The following FSTL5 variants were observed in gnomAD, a reference collection of about 807,000 sequenced individuals.
The protein encoded by FSTL5 is follistatin like 5.
Under a neutral mutation model 89.1 loss-of-function variants are expected in FSTL5, and 62 were observed. The observed-to-expected ratio is 0.70, with a 90% CI of 0.57 to 0.86. FSTL5 has a LOEUF of 0.86. FSTL5 is among the 40% of genes least tolerant of loss of function. The pLI is 0.00. For synonymous variants in FSTL5, 383 were observed against 346.2 expected (o/e 1.11, Z -1.18); for missense variants, 1,057 against 1,001.6 (o/e 1.06, Z -0.75).
At chr4:161,430,943 C>T (rs1258216023) in intron 15 of FSTL5, among the ~76,000 whole-genome samples, 1 of 151,908 alleles carries the variant, frequency 6.6e-6, no homozygotes, top group East Asian at 1.9e-4. Flanking sequence ...ATGCTTTATC[C>T]TAGAATAGTA....
chr4:161,778,960 T>C (rs1382324118), intron 4 of FSTL5, among the ~76,000 whole-genome samples: 1 of 152,246 alleles, frequency 6.6e-6, no homozygotes, highest in Non-Finnish European at 1.5e-5. Context: ...CCTGGGTCTG[T>C]ATTGCCTTCA....
chr4:162,053,306 G>A (rs1738441363), intron 2 of FSTL5, among the ~76,000 whole-genome samples: 4 of 151,728 alleles, frequency 2.6e-5, no homozygotes, highest in Admixed American at 2.6e-4. Context: ...GGGTTGCAGT[G>A]CAAATTTATA....
intron 12 of FSTL5, among the ~76,000 whole-genome samples, chr4:161,488,064 C>T (rs1412035110): frequency 6.6e-6 from 1 of 151,982 alleles, no homozygotes; most frequent in Non-Finnish European, 1.5e-5. Context: ...TACAAAAATA[C>T]ATTAAATGAT....
rs1338371861 is a variant in FSTL5, at chr4:161,384,842, G to T, written c.*905C>A. ...TAATGTTTCTTTTTTAAAACCGAAA[G>T]TTCCTGATGATGAAACATTGGACTA... On this transcript the variant is annotated 3_prime_UTR_variant, in exon 16 of 16. Coordinates refer to ENST00000306100, the MANE Select transcript of FSTL5 (RefSeq NM_020116.5). 6.6e-6 allele frequency: 1 copy of T among 151,974 alleles called. No homozygotes were observed. The highest frequency in any genetic ancestry group is 1.5e-5 in the Non-Finnish European group (1 of 67,962). The allele number at this position is 151,974 out of a possible 1,614,324, so 9.4% of individuals were successfully genotyped here.
intron 4 of FSTL5, among the ~76,000 whole-genome samples, chr4:161,866,991 G>A (rs890470288): frequency 5.3e-5 from 8 of 151,906 alleles, no homozygotes; most frequent in African/African-American, 1.9e-4. Flanking sequence ...ATTTGTAATT[G>A]GCTAGTAAAA....
chr4:161,656,310 C>T lies in FSTL5; in HGVS notation c.894+18G>A, dbSNP rs1442696668. 1 of 1,353,552 alleles carries T rather than the reference C, an allele frequency of 7.4e-7. No individual in the cohort carries two copies. Among genetic ancestry groups the T allele is most frequent in the South Asian group, 1.3e-5 (1 of 76,050 alleles). The allele number at this position is 1,353,552 out of a possible 1,614,324, so 83.8% of individuals were successfully genotyped here. ...ATGAAATATATATATTATAAAGCAACTATATTTATGTACTCACATTGATGT... is the reference window on the plus strand; with the variant it reads ...ATGAAATATATATATTATAAAGCAATTATATTTATGTACTCACATTGATGT... On this transcript the variant is annotated intron_variant, in intron 7 of 15. Coordinates refer to ENST00000306100, the MANE Select transcript of FSTL5 (RefSeq NM_020116.5).
intron 1 of FSTL5, among the ~76,000 whole-genome samples, chr4:162,139,456 A>C (rs1006012793): frequency 2.3e-5 from 2 of 88,554 alleles, no homozygotes; most frequent in Non-Finnish European, 5.4e-5. Flanking sequence ...ACACACGCCC[A>C]CACACACACA....
At chr4:161,872,065 C>T (rs1490897202) in intron 4 of FSTL5, among the ~76,000 whole-genome samples, 10 of 146,866 alleles carry the variant, frequency 6.8e-5, no homozygotes, top group Admixed American at 6.1e-4. Context: ...GATCTCGGCT[C>T]AGCCTGCTCA....
rs2110969689 is a variant in FSTL5 at position 161,957,307 on chromosome 4, A to G, written c.161-36655T>C. 3.3e-5 allele frequency among the ~76,000 whole-genome samples: 5 copies of G among 152,198 alleles called. No homozygotes were observed. The South Asian group carries it at 1.0e-3, about 32-fold the overall frequency. ...CTAACTTTTGAGTTAATGTAAATTA[A>G]ATATTAGACTCCTACACAAACCTTT... On this transcript the variant is annotated intron_variant, in intron 3 of 15. Coordinates refer to ENST00000306100, the MANE Select transcript of FSTL5 (RefSeq NM_020116.5).
chr4:161,837,804 C>T (rs1271126789), intron 4 of FSTL5, among the ~76,000 whole-genome samples: 1 of 152,108 alleles, frequency 6.6e-6, no homozygotes, highest in Non-Finnish European at 1.5e-5. Context: ...GAAGTGGATG[C>T]ATCTTCTCTA....
At chr4:162,072,103 A>G (rs906827087) in intron 2 of FSTL5, among the ~76,000 whole-genome samples, 9 of 151,796 alleles carry the variant, frequency 5.9e-5, no homozygotes, top group African/African-American at 1.9e-4. Context: ...AATAGATAAT[A>G]TGCAGGAGTT....
chr4:162,068,429 T>C (rs1256418959), intron 2 of FSTL5, among the ~76,000 whole-genome samples: 1 of 152,088 alleles, frequency 6.6e-6, no homozygotes, highest in Non-Finnish European at 1.5e-5. Flanking sequence ...TCGACAAACC[T>C]ATCAAAAGCA....
At chr4:162,106,879 C>T (rs891054996) in intron 2 of FSTL5, among the ~76,000 whole-genome samples, 2 of 152,158 alleles carry the variant, frequency 1.3e-5, no homozygotes, top group African/African-American at 4.8e-5. Context: ...GTTATTTAGG[C>T]AGTTTGGAAT....
At chr4:161,566,109 T>TATAC (rs1422937247) in intron 8 of FSTL5, among the ~76,000 whole-genome samples, 1 of 43,130 alleles carries the variant, frequency 2.3e-5, no homozygotes, top group African/African-American at 1.1e-4. Flanking sequence ...ACTATATATA[T>TATAC]ATATATATAT....
chr4:161,406,037 C>A (rs62325022), intron 15 of FSTL5, among the ~76,000 whole-genome samples: 12,180 of 152,020 alleles, frequency 0.08, 618 homozygotes, highest in Non-Finnish European at 0.12. Flanking sequence ...TTAAAGCTGT[C>A]CTGAAGACTG....
intron 13 of FSTL5, among the ~76,000 whole-genome samples, chr4:161,464,143 G>C (rs771659822): frequency 2.0e-5 from 3 of 152,032 alleles, no homozygotes; most frequent in African/African-American, 4.8e-5. Context: ...ATTTCTTTTA[G>C]AGTGAAAGCC....
intron 1 of FSTL5, among the ~76,000 whole-genome samples, chr4:162,132,854 A>ATTATAATCAC (rs1732359762): frequency 5.3e-5 from 8 of 152,348 alleles, no homozygotes; most frequent in South Asian, 2.1e-4. Flanking sequence ...CTCACATGGT[A>ATTATAATCAC]TTAGGTGATT....
chr4:161,879,984 T>A (rs894803863), intron 4 of FSTL5, among the ~76,000 whole-genome samples: 16 of 152,342 alleles, frequency 1.1e-4, no homozygotes, highest in Non-Finnish European at 1.8e-4. Flanking sequence ...GAATTACTAC[T>A]TAAAGGTGAG....
intron 3 of FSTL5, among the ~76,000 whole-genome samples, chr4:161,927,098 A>AT (rs1217329321): frequency 1.3e-5 from 2 of 151,726 alleles, no homozygotes; most frequent in African/African-American, 2.4e-5. Flanking sequence ...GAAAAAAGTG[A>AT]TTTTTTTGCT....
Sources: gnomAD v4.1 joint callset for allele counts (sites outside exome capture counted in the v4.1 genomes callset) on GRCh38, gnomAD v4.1.1 for gene constraint, MANE v1.5 for transcripts, NCBI Gene and HGNC (gene_info 2026-07-23, HGNC 2026-07-21) for gene names.